The following PCDHGA1 variants were observed in gnomAD, a reference collection of about 807,000 sequenced individuals.
PCDHGA1 encodes protocadherin gamma-A1.
A neutral mutation model predicts 58.0 loss-of-function variants in PCDHGA1; 32 were observed. That is an observed-to-expected ratio of 0.55 (90% CI 0.42 to 0.74). The LOEUF (loss-of-function observed/expected upper bound fraction) is 0.74. PCDHGA1 is among the 30% of genes least tolerant of loss of function. The pLI is 0.00. For synonymous variants in PCDHGA1, 498 were observed against 501.1 expected (o/e 0.99, Z 0.08); for missense variants, 1,205 against 1,182.3 (o/e 1.02, Z -0.28).
chr5:141,419,423 C>A, intron 1 of PCDHGA1: 1 of 1,613,368 alleles, frequency 6.2e-7, no homozygotes, highest in Non-Finnish European at 8.5e-7. Context: ...CGCCTTCGAC[C>A]ACGAGCAGCT....
intron 1 of PCDHGA1, among the ~76,000 whole-genome samples, chr5:141,382,171 G>T (rs1325332399): frequency 6.6e-6 from 1 of 151,984 alleles, no homozygotes; most frequent in African/African-American, 2.4e-5. Flanking sequence ...GTGTTAGACC[G>T]TCTCTAAGGT....
At chr5:141,423,003 G>A (rs779233337) in intron 1 of PCDHGA1, 1 of 1,614,208 alleles carries the variant, frequency 6.2e-7, no homozygotes, top group African/African-American at 1.3e-5. Flanking sequence ...TGACCAAGGT[G>A]GTTGCGGTGG....
intron 1 of PCDHGA1, chr5:141,350,972 G>A (rs956940005): frequency 6.2e-7 from 1 of 1,614,038 alleles, no homozygotes; most frequent in South Asian, 1.1e-5. Flanking sequence ...TAATGCTCCC[G>A]TGTTTAGCCA....
chr5:141,448,966 A>G (rs981772425), intron 1 of PCDHGA1, among the ~76,000 whole-genome samples: 5 of 152,118 alleles, frequency 3.3e-5, no homozygotes, highest in Non-Finnish European at 7.4e-5. Context: ...CAAACAAACA[A>G]AAAAGAACTT....
intron 1 of PCDHGA1, chr5:141,344,374 T>G (rs1428173642): frequency 6.2e-7 from 1 of 1,613,068 alleles, no homozygotes; most frequent in African/African-American, 1.3e-5. Flanking sequence ...GAGGATAAAT[T>G]GAAAATTTTT....
At position 141,331,389 on chromosome 5, in the gene PCDHGA1, A is replaced by G. The variant is rs754390986; in HGVS notation, c.705A>G (p.Ala235=). Reference sequence around the variant, plus strand: ...GAATTTACATTCAGGTGGTGGATGCAAATGACAATCCTCCAGCATTTACTC... The same window carrying G: ...GAATTTACATTCAGGTGGTGGATGCGAATGACAATCCTCCAGCATTTACTC... The part of the protein sequence containing the change: ...TLRIYIQVVD[A]NDNPPAFTQA... Residue 235 remains alanine (A), a synonymous_variant, in exon 1 of 4, where the codon GCA becomes GCG. Transcript: ENST00000517417. 1.3e-5 allele frequency: 21 copies of G among 1,614,060 alleles called. No homozygotes were observed. In the Admixed American group the frequency reaches 2.3e-4, roughly 18 times the overall value.
At chr5:141,367,387 A>C (rs1765092239) in intron 1 of PCDHGA1, 1 of 152,180 alleles carries the variant, frequency 6.6e-6, no homozygotes, top group African/African-American at 2.4e-5. Flanking sequence ...AATACAAAAA[A>C]TTAGCCGGGC....
At chr5:141,404,446 G>A (rs1211285523) in intron 1 of PCDHGA1, 2 of 1,612,974 alleles carry the variant, frequency 1.2e-6, no homozygotes, top group East Asian at 2.2e-5. Context: ...CCATCCAAGG[G>A]TCTCCTCTCT....
chr5:141,392,735 C>T, intron 1 of PCDHGA1: 1 of 1,428,540 alleles, frequency 7.0e-7, no homozygotes, highest in East Asian at 2.5e-5. Context: ...ATTGTCATCT[C>T]CATAGCTGCG....
rs370995300 is a variant in PCDHGA1, at chr5:141,399,359, C to T, written c.2421+66254C>T. ...GATGGAACCCTAGACCGAGAGCAAACCCCGGAGTACAATGTCACCATCACA... is the reference window on the plus strand; with the variant it reads ...GATGGAACCCTAGACCGAGAGCAAATCCCGGAGTACAATGTCACCATCACA... On this transcript the variant is annotated intron_variant, in intron 1 of 3. Coordinates refer to ENST00000517417, the MANE Select transcript of PCDHGA1 (RefSeq NM_018912.3). 2.6e-4 allele frequency: 427 copies of T among 1,613,884 alleles called. No individual in the cohort carries two copies. The highest frequency in any genetic ancestry group is 1.2e-4 in the Non-Finnish European group (140 of 1,179,916).
At position 141,421,681 on chromosome 5, in the gene PCDHGA1, C is replaced by T. The variant is rs750692137; in HGVS notation, c.2422-73126C>T. 4 of 1,613,858 alleles carry T rather than the reference C, an allele frequency of 2.5e-6. No homozygotes were observed. In the South Asian group the frequency reaches 4.4e-5, roughly 18 times the overall value. Reference sequence around the variant, plus strand: ...CAGTGAGCACGCAATTCCTGGGGCGCGATTTGCTCTTCCTAATGCTAGGGA... The same window carrying T: ...CAGTGAGCACGCAATTCCTGGGGCGTGATTTGCTCTTCCTAATGCTAGGGA... On this transcript the variant is annotated intron_variant, in intron 1 of 3. Coordinates refer to ENST00000517417, the MANE Select transcript of PCDHGA1 (RefSeq NM_018912.3).
chr5:141,356,803 A>G (rs1201687366), intron 1 of PCDHGA1: 2 of 1,614,078 alleles, frequency 1.2e-6, no homozygotes, highest in Admixed American at 3.3e-5. Flanking sequence ...GATGACAGCC[A>G]GTGACAGTGG....
At chr5:141,461,302 T>A (rs1009664719) in intron 1 of PCDHGA1, among the ~76,000 whole-genome samples, 3 of 152,142 alleles carry the variant, frequency 2.0e-5, no homozygotes. Flanking sequence ...CAACATCTAT[T>A]GTTTTTTGAC....
chr5:141,370,350 A>G (rs1454225178), intron 1 of PCDHGA1: 1 of 1,496,326 alleles, frequency 6.7e-7, no homozygotes, highest in Non-Finnish European at 9.0e-7. Flanking sequence ...TTATTTAAAG[A>G]TCTCCTCTCC....
chr5:141,421,389 G>T (rs200646513), intron 1 of PCDHGA1: 1 of 1,613,934 alleles, frequency 6.2e-7, no homozygotes, highest in African/African-American at 1.3e-5. Context: ...AGGACCTGGG[G>T]CTGGAGCCCC....
intron 1 of PCDHGA1, chr5:141,441,728 G>T: frequency 2.8e-6 from 1 of 361,966 alleles, no homozygotes. Flanking sequence ...CCCGCGACCA[G>T]GACTAGCTCG....
At position 141,490,874 on chromosome 5, in the gene PCDHGA1, A is replaced by T. The variant is rs368927472; in HGVS notation, c.2422-3933A>T. 2 of 1,613,948 alleles carry T rather than the reference A, an allele frequency of 1.2e-6. No homozygotes were observed. Among genetic ancestry groups the T allele is most frequent in the Non-Finnish European group, 1.7e-6 (2 of 1,179,952 alleles). On this transcript the variant is annotated intron_variant, in intron 1 of 3. Transcript: ENST00000517417. The surrounding 1 kb of genome is among the most constrained non-coding windows in gnomAD (Gnocchi z 5.4). The stretch of plus-strand genomic sequence containing the variant: ...CGAGACTCCGGCTCTCCCCCATTGC[A>T]TGCCAACACATCTCTGCATGTGTTT...
At chr5:141,347,150 T>TCTTTCTTTCTTTCTTTCTTTCTTTCTTC (rs1757908746) in intron 1 of PCDHGA1, among the ~76,000 whole-genome samples, 9 of 132,996 alleles carry the variant, frequency 6.8e-5, no homozygotes, top group African/African-American at 2.5e-4. Flanking sequence ...TTTCTTTCTT[T>TCTTTCTTTCTTTCTTTCTTTCTTTCTTC]CTTTCTTTCT....
chr5:141,364,438 G>A, intron 1 of PCDHGA1: 1 of 1,613,820 alleles, frequency 6.2e-7, no homozygotes, highest in Non-Finnish European at 8.5e-7. Context: ...ACTCGATGCC[G>A]GAGGAGCTGG....
Sources: gnomAD v4.1 joint callset for allele counts (sites outside exome capture counted in the v4.1 genomes callset) on GRCh38, gnomAD v4.1.1 for gene constraint, Gnocchi (gnomAD v3.1) non-coding constraint, MANE v1.5 for transcripts, NCBI Gene and HGNC (gene_info 2026-07-23, HGNC 2026-07-21) for gene names.